The following PRKCB variants were observed in gnomAD, a reference collection of about 807,000 sequenced individuals.
PRKCB encodes the protein protein kinase C beta.
PRKCB carries 13 observed loss-of-function variants against 81.5 expected under a neutral mutation model. That is an observed-to-expected ratio of 0.16 (90% CI 0.10 to 0.25). The LOEUF is 0.25. Ranked by LOEUF, PRKCB falls within the 10% of genes least tolerant of loss-of-function variation. The pLI, the probability that PRKCB is intolerant of heterozygous loss-of-function variation, is 1.00. For synonymous variants in PRKCB, 335 were observed against 321.4 expected, an observed-to-expected ratio of 1.04 and a Z score of -0.45; for missense variants, 509 against 875.7, an observed-to-expected ratio of 0.58 and a Z score of 5.29.
Position 23,836,224 on chromosome 16 carries a change from A to G in PRKCB, c.49A>G (p.Thr17Ala). 6.3e-7 allele frequency: 1 copy of G among 1,598,958 alleles called. No individual in the cohort carries two copies. The highest frequency in any genetic ancestry group is 8.5e-7 in the Non-Finnish European group (1 of 1,173,242). ...GCCGCCGAGCGAGGGCGAGGAGAGC[A>G]CCGTGCGCTTCGCCCGCAAAGGCGC... ...GPPPSEGEESTVRFARKGALR... is the reference protein window; with the variant it reads ...GPPPSEGEESAVRFARKGALR... Residue 17 changes from threonine to alanine, a missense_variant, in exon 1 of 17, where the codon ACC becomes GCC. By Grantham distance (58) the Thr-to-Ala change is moderately conservative (BLOSUM62 0). Coordinates refer to ENST00000643927, the MANE Select transcript of PRKCB (RefSeq NM_002738.7).
rs115291353 is a variant in PRKCB, at chr16:24,073,419, A to C, written c.530-19372A>C. ...CAATGTTGGCTCATTGCAGCCTCAGACTCCTGGGCTCAAGTGATCCTCCCG... is the reference window on the plus strand; with the variant it reads ...CAATGTTGGCTCATTGCAGCCTCAGCCTCCTGGGCTCAAGTGATCCTCCCG... On this transcript the variant is annotated intron_variant, in intron 5 of 16. Coordinates refer to ENST00000643927, the MANE Select transcript of PRKCB (RefSeq NM_002738.7). 8.2e-3 allele frequency among the ~76,000 whole-genome samples: 1,241 copies of C among 151,824 alleles called. 23 individuals are homozygous for C. The highest frequency in any genetic ancestry group is 0.028 in the African/African-American group (1,165 of 41,418).
At chr16:24,064,630 A>AT (rs1460558153) in intron 5 of PRKCB, among the ~76,000 whole-genome samples, 1 of 151,808 alleles carries the variant, frequency 6.6e-6, no homozygotes, top group African/African-American at 2.4e-5. Context: ...ATCTTGTTTG[A>AT]TTTTTATTTT....
At chr16:23,918,377 C>CT (rs113611996) in intron 2 of PRKCB, among the ~76,000 whole-genome samples, 5,807 of 150,274 alleles carry the variant, frequency 0.039, 409 homozygotes, top group African/African-American at 0.14. Flanking sequence ...TTTGTGTTAC[C>CT]TTTTTATTAT....
intron 4 of PRKCB, 77 bp from the exon 5 acceptor site, chr16:24,035,342 G>C: frequency 2.6e-6 from 4 of 1,539,504 alleles, no homozygotes; most frequent in Non-Finnish European, 3.5e-6. Context: ...AGGGCTCAGC[G>C]GTCTTGGGTG....
intron 9 of PRKCB, among the ~76,000 whole-genome samples, chr16:24,130,014 C>T (rs1321763435): frequency 6.6e-6 from 1 of 152,132 alleles, no homozygotes; most frequent in Non-Finnish European, 1.5e-5. Context: ...TCTGTCTATC[C>T]GTCCATCAAC....
chr16:24,205,637 G>A (rs1968035571), intron 16 of PRKCB, among the ~76,000 whole-genome samples: 1 of 152,138 alleles, frequency 6.6e-6, no homozygotes, highest in Admixed American at 6.5e-5. Flanking sequence ...GGTAAAGCTT[G>A]CAAAACACTT....
At chr16:24,183,566 CA>C (rs1158574684) in intron 13 of PRKCB, among the ~76,000 whole-genome samples, 1 of 152,210 alleles carries the variant, frequency 6.6e-6, no homozygotes, top group Non-Finnish European at 1.5e-5. Flanking sequence ...CAAGTTTGCT[CA>C]AATACCCTTT....
At position 23,836,127 on chromosome 16, in the gene PRKCB, C is replaced by A. The variant is rs1962148542; in HGVS notation, c.-49C>A. The A allele has an allele frequency of 1.6e-6, 2 of 1,218,146 alleles. No homozygotes were observed. Among genetic ancestry groups the A allele is most frequent in the Non-Finnish European group, 1.0e-6 (1 of 970,282 alleles). The allele number at this position is 1,218,146 out of a possible 1,614,324, so 75.5% of individuals were successfully genotyped here. A position where few individuals can be genotyped will look rare whatever the true frequency, so the allele number is the denominator to read the frequency against. Reference sequence around the variant, plus strand: ...CTCCCCGGCCCGCAGCCCGCGGTCCCGCGGCCCCGGGGCCGGCACCTCTCG... The same window carrying A: ...CTCCCCGGCCCGCAGCCCGCGGTCCAGCGGCCCCGGGGCCGGCACCTCTCG... On this transcript the variant is annotated 5_prime_UTR_variant, in exon 1 of 17. Coordinates refer to ENST00000643927, the MANE Select transcript of PRKCB (RefSeq NM_002738.7).
Position 24,017,484 on chromosome 16 carries a change from T to C in PRKCB, c.289-14652T>C, listed in dbSNP as rs183576904. Among the ~76,000 whole-genome samples the C allele has an allele frequency of 4.0e-5, 6 of 151,714 alleles. No individual in the cohort carries two copies. In the East Asian group the frequency reaches 1.2e-3, roughly 29 times the overall value. The stretch of plus-strand genomic sequence containing the variant: ...CAGGAAAAGGGAAAAATTTGCACTT[T>C]ATTAAACACGCAGGCACACACACAC... On this transcript the variant is annotated intron_variant, in intron 3 of 16. Transcript: ENST00000643927.
intron 9 of PRKCB, among the ~76,000 whole-genome samples, chr16:24,126,263 C>T (rs74013146): frequency 2.3e-4 from 35 of 151,976 alleles, no homozygotes; most frequent in East Asian, 3.9e-4. Flanking sequence ...GGTCAAGATA[C>T]GTAAAATGTT....
intron 1 of PRKCB, 130 bp from the exon 2 acceptor site, chr16:23,837,245 C>T (rs1962179468): frequency 8.6e-7 from 1 of 1,157,790 alleles, no homozygotes; most frequent in South Asian, 1.2e-5. Context: ...GACTCTTGGG[C>T]ACCCGCCTGT....
At chr16:23,886,819 A>T (rs1410525662) in intron 2 of PRKCB, among the ~76,000 whole-genome samples, 9 of 151,974 alleles carry the variant, frequency 5.9e-5, no homozygotes, top group Admixed American at 5.9e-4. Context: ...TGTCCCCTTC[A>T]TCTCTGCCTG....
intron 2 of PRKCB, among the ~76,000 whole-genome samples, chr16:23,953,266 G>T (rs1341148074): frequency 6.6e-6 from 1 of 152,112 alleles, no homozygotes; most frequent in Non-Finnish European, 1.5e-5. Context: ...TGTCTACCGG[G>T]GTTTTATTTT....
chr16:24,150,580 G>A (rs1378957473), intron 9 of PRKCB, among the ~76,000 whole-genome samples: 3 of 152,144 alleles, frequency 2.0e-5, no homozygotes, highest in Non-Finnish European at 4.4e-5. Flanking sequence ...AGGCATGCTA[G>A]GGTTTTCATT....
intron 5 of PRKCB, among the ~76,000 whole-genome samples, chr16:24,044,697 C>A (rs35551156): frequency 0.37 from 56,164 of 152,032 alleles, 10,589 homozygotes; most frequent in Middle Eastern, 0.41. Flanking sequence ...TCTATGGCTG[C>A]TCTTGTGATA....
chr16:24,039,029 C>T (rs1168764436), intron 5 of PRKCB, among the ~76,000 whole-genome samples: 1 of 151,848 alleles, frequency 6.6e-6, no homozygotes, highest in Non-Finnish European at 1.5e-5. Context: ...GGGTGGGGCC[C>T]TCATAATGGG....
At chr16:24,198,737 A>G (rs1035769592) in intron 16 of PRKCB, among the ~76,000 whole-genome samples, 1 of 152,178 alleles carries the variant, frequency 6.6e-6, no homozygotes, top group African/African-American at 2.4e-5. Flanking sequence ...CAGATCATCA[A>G]TTGTTCTAAA....
chr16:23,942,359 T>C (rs61191733), intron 2 of PRKCB, among the ~76,000 whole-genome samples: 3,043 of 152,326 alleles, frequency 0.02, 107 homozygotes, highest in African/African-American at 0.07. Context: ...ACCAAAGTGA[T>C]AGAGCGTGGG....
chr16:23,963,113 T>C (rs559015427), intron 2 of PRKCB: 2 of 152,260 alleles, frequency 1.3e-5, no homozygotes, highest in Admixed American at 6.5e-5. Context: ...CCATCATGTA[T>C]GTGTACCACA....
Sources: allele counts gnomAD v4.1 joint callset (sites outside exome capture counted in the v4.1 genomes callset), GRCh38; gene constraint gnomAD v4.1.1; transcripts MANE v1.5; gene names NCBI Gene and HGNC (gene_info 2026-07-23, HGNC 2026-07-21).